ZNF143: variants seen among roughly 807,000 people sequenced by gnomAD.
ZNF143 encodes SPH-binding factor.
In ZNF143, 49 loss-of-function variants were observed where a neutral mutation model predicts 74.1. That is an observed-to-expected ratio of 0.66 (90% CI 0.53 to 0.84). ZNF143 has a LOEUF of 0.84. Ranked by LOEUF, ZNF143 falls within the 40% of genes least tolerant of loss-of-function variation. The probability of loss-of-function intolerance (pLI) is 0.00; values close to 1 mark genes in which losing one functional copy is unlikely to be tolerated. For missense variants in ZNF143, 637 were observed against 793.4 expected, an observed-to-expected ratio of 0.80 and a Z score of 2.37; for synonymous variants, 304 against 282.8, an observed-to-expected ratio of 1.07 and a Z score of -0.75.
intron 7 of ZNF143, among the ~76,000 whole-genome samples, chr11:9,493,743 A>G (rs1478237427): frequency 2.6e-5 from 4 of 152,202 alleles, no homozygotes; most frequent in Non-Finnish European, 4.4e-5. Flanking sequence ...CTGTCACCAC[A>G]TGGCTCACAG....
At chr11:9,520,025 A>ATTTTTTTTTTTTTT (rs954404348) in intron 14 of ZNF143, among the ~76,000 whole-genome samples, 6 of 91,380 alleles carry the variant, frequency 6.6e-5, no homozygotes, top group African/African-American at 2.9e-4. Flanking sequence ...GTTTCCACCA[A>ATTTTTTTTTTTTTT]TTTTTTTTTT....
At chr11:9,500,705 A>G (rs1377351460) in intron 10 of ZNF143, among the ~76,000 whole-genome samples, 1 of 152,252 alleles carries the variant, frequency 6.6e-6, no homozygotes, top group Non-Finnish European at 1.5e-5. Context: ...GATATTGTAG[A>G]ATAAATCAAG....
intron 14 of ZNF143, among the ~76,000 whole-genome samples, chr11:9,521,921 C>T (rs1360929252): frequency 1.3e-5 from 2 of 151,768 alleles, no homozygotes; most frequent in African/African-American, 4.8e-5. Flanking sequence ...ACAAAATTAG[C>T]CAGGTGTGGT....
At chr11:9,508,516 C>A in intron 11 of ZNF143, 103 bp from the exon 12 acceptor site, 1 of 1,023,166 alleles carries the variant, frequency 9.8e-7, no homozygotes, top group Non-Finnish European at 1.4e-6. Flanking sequence ...AGGGGTTTGG[C>A]AATTCTTTAT....
chr11:9,486,353 T>C (rs866143775), intron 7 of ZNF143, among the ~76,000 whole-genome samples: 3 of 50,224 alleles, frequency 6.0e-5, no homozygotes, highest in East Asian at 3.2e-4. Flanking sequence ...ATATATATAT[T>C]ATATATATAT....
At chr11:9,463,040 A>G (rs1422840880) in intron 1 of ZNF143, among the ~76,000 whole-genome samples, 1 of 152,182 alleles carries the variant, frequency 6.6e-6, no homozygotes, top group Non-Finnish European at 1.5e-5. Flanking sequence ...TTGCTATTCT[A>G]GATATTTCAC....
chr11:9,480,281 C>T (rs1010084528), intron 7 of ZNF143, among the ~76,000 whole-genome samples: 14 of 152,132 alleles, frequency 9.2e-5, no homozygotes, highest in Admixed American at 2.6e-4. Context: ...TTGGGATGTT[C>T]GTGTGGAGGG....
At chr11:9,499,381 A>G (rs1848076541) in intron 10 of ZNF143, among the ~76,000 whole-genome samples, 1 of 152,200 alleles carries the variant, frequency 6.6e-6, no homozygotes, top group South Asian at 2.1e-4. Flanking sequence ...AGACTTGCCC[A>G]GGATAAACTC....
At chr11:9,516,685 C>G (rs1477617442) in intron 14 of ZNF143, among the ~76,000 whole-genome samples, 1 of 152,132 alleles carries the variant, frequency 6.6e-6, no homozygotes, top group Non-Finnish European at 1.5e-5. Context: ...ACTTGCAAAA[C>G]TTACTATTTA....
At position 9,475,908 on chromosome 11, in the gene ZNF143, A is replaced by ATG. The variant is rs1206618102; in HGVS notation, c.373+1276_373+1277insGT. On this transcript the variant is annotated intron_variant, in intron 5 of 15. Transcript: ENST00000396602. ...GTGAGACCCTGTCTCAAAAAAATAT[A>ATG]TATGTGTGTGTGTGTGTGTGTGTGT... Among the ~76,000 whole-genome samples the ATG allele has an allele frequency of 1.5e-3, 173 of 117,660 alleles. 1 individual carries two copies. The highest frequency in any genetic ancestry group is 5.4e-3 in the East Asian group (18 of 3,352). The allele number at this position is 117,660 out of a possible 152,430, so 77.2% of individuals were successfully genotyped here. A position where few individuals can be genotyped will look rare whatever the true frequency, so the allele number is the denominator to read the frequency against.
At chr11:9,498,127 G>T (rs1848034316) in intron 10 of ZNF143, among the ~76,000 whole-genome samples, 1 of 152,270 alleles carries the variant, frequency 6.6e-6, no homozygotes, top group African/African-American at 2.4e-5. Context: ...ACCGCGCCCG[G>T]CCTAGGCCAA....
intron 1 of ZNF143, among the ~76,000 whole-genome samples, chr11:9,464,748 C>T (rs571157445): frequency 9.9e-5 from 15 of 151,860 alleles, no homozygotes; most frequent in Non-Finnish European, 1.8e-4. Flanking sequence ...GGTGAAATCC[C>T]GTCTCTACTA....
intron 7 of ZNF143, among the ~76,000 whole-genome samples, chr11:9,486,587 G>A (rs1337743791): frequency 3.6e-5 from 5 of 140,692 alleles, no homozygotes; most frequent in Admixed American, 7.7e-5. Flanking sequence ...ACAGTAGAAT[G>A]CCATGTAAGA....
chr11:9,471,715 G>A lies in ZNF143; in HGVS notation c.112+295G>A, dbSNP rs192954206. On this transcript the variant is annotated intron_variant, in intron 2 of 15. Coordinates refer to ENST00000396602, the MANE Select transcript of ZNF143 (RefSeq NM_003442.6). ...TTACAGGCATGTGCCACCACGTCCG[G>A]CTAATTTTGTATTTTTAGTAGAGAC... Among the ~76,000 whole-genome samples the A allele has an allele frequency of 2.9e-3, 436 of 151,870 alleles. 1 individual carries two copies. Among genetic ancestry groups the A allele is most frequent in the Non-Finnish European group, 3.4e-3 (234 of 67,936 alleles).
At chr11:9,469,544 C>T (rs1416956190) in intron 1 of ZNF143, among the ~76,000 whole-genome samples, 1 of 151,796 alleles carries the variant, frequency 6.6e-6, no homozygotes, top group African/African-American at 2.4e-5. Context: ...CAGGTCTTAA[C>T]AGTAGGGTAC....
At chr11:9,462,358 A>C (rs1590474987) in intron 1 of ZNF143, among the ~76,000 whole-genome samples, 1 of 151,776 alleles carries the variant, frequency 6.6e-6, no homozygotes, top group African/African-American at 2.4e-5. Flanking sequence ...TAAAATGTGT[A>C]ATTAGGCCTG....
intron 1 of ZNF143, among the ~76,000 whole-genome samples, chr11:9,469,247 C>G (rs943511410): frequency 1.3e-5 from 2 of 148,468 alleles, no homozygotes; most frequent in African/African-American, 2.5e-5. Flanking sequence ...TTACCACCCC[C>G]CCATACGGAG....
chr11:9,464,210 C>T (rs889170278), intron 1 of ZNF143, among the ~76,000 whole-genome samples: 2 of 152,058 alleles, frequency 1.3e-5, no homozygotes, highest in Admixed American at 6.6e-5. Flanking sequence ...CAGCTCACTG[C>T]AGCCTCAACC....
intron 14 of ZNF143, among the ~76,000 whole-genome samples, chr11:9,519,530 G>T (rs1036161203): frequency 6.6e-6 from 1 of 152,060 alleles, no homozygotes; most frequent in Non-Finnish European, 1.5e-5. Flanking sequence ...TAACGTTTTG[G>T]ATATTTATTC....
Sources: allele counts gnomAD v4.1 joint callset (sites outside exome capture counted in the v4.1 genomes callset), GRCh38; gene constraint gnomAD v4.1.1; transcripts MANE v1.5; gene names NCBI Gene and HGNC (gene_info 2026-07-23, HGNC 2026-07-21).